The following AUTS2 variants were observed in gnomAD, a reference collection of about 807,000 sequenced individuals.
AUTS2 encodes the protein activator of transcription and developmental regulator AUTS2, also known as autism susceptibility gene 2 protein.
Under a neutral mutation model 112.4 loss-of-function variants are expected in AUTS2, and 17 were observed. The observed-to-expected ratio is 0.15, with a 90% CI of 0.10 to 0.23. AUTS2 has a LOEUF of 0.23. AUTS2 is among the 10% of genes least tolerant of loss of function. AUTS2 has a pLI of 1.00. For synonymous variants in AUTS2, 751 were observed against 702.7 expected (o/e 1.07, Z -1.09); for missense variants, 1,510 against 1,701.6 (o/e 0.89, Z 1.98).
At chr7:69,662,285 A>C (rs1795839781) in intron 1 of AUTS2, among the ~76,000 whole-genome samples, 1 of 151,940 alleles carries the variant, frequency 6.6e-6, no homozygotes, top group South Asian at 2.1e-4. Flanking sequence ...GAGCCGACCA[A>C]CTTATTATAA....
chr7:69,954,562 G>C (rs1433074986), intron 2 of AUTS2, among the ~76,000 whole-genome samples: 1 of 152,164 alleles, frequency 6.6e-6, no homozygotes, highest in Non-Finnish European at 1.5e-5. Flanking sequence ...TCCTGCCTTG[G>C]CCCCCCAGTT....
chr7:69,863,380 A>T (rs1168603548), intron 1 of AUTS2, among the ~76,000 whole-genome samples: 1 of 152,208 alleles, frequency 6.6e-6, no homozygotes, highest in South Asian at 2.1e-4. Flanking sequence ...CAAATTTTAC[A>T]AAGGGACTTG....
intron 1 of AUTS2, among the ~76,000 whole-genome samples, chr7:69,721,786 T>A (rs1314386775): frequency 6.6e-6 from 1 of 152,166 alleles, no homozygotes; most frequent in Non-Finnish European, 1.5e-5. Flanking sequence ...GGAATGATCT[T>A]CTAGGCTATC....
intron 5 of AUTS2, among the ~76,000 whole-genome samples, chr7:70,498,697 TTCTC>T (rs1798657249): frequency 6.6e-6 from 1 of 152,196 alleles, no homozygotes; most frequent in Admixed American, 6.5e-5. Context: ...TGCCTTTTGA[TTCTC>T]TCTTTCATTT....
At chr7:70,439,389 A>T (rs1796028758) in intron 5 of AUTS2, among the ~76,000 whole-genome samples, 1 of 152,056 alleles carries the variant, frequency 6.6e-6, no homozygotes, top group African/African-American at 2.4e-5. Flanking sequence ...AATACAAAAA[A>T]TTAGCCGGGC....
rs183599032 is a variant in AUTS2, at chr7:69,780,433, C to T, written c.310-118853C>T. Among the ~76,000 whole-genome samples the T allele has an allele frequency of 3.3e-5, 5 of 152,236 alleles. No homozygotes were observed. The East Asian group carries it at 5.8e-4, about 18-fold the overall frequency. On this transcript the variant is annotated intron_variant, in intron 1 of 18. Coordinates refer to ENST00000342771, the MANE Select transcript of AUTS2 (RefSeq NM_015570.4). ...ATTGGAGTGATGTACAGAGAAAAGGCTGTCTTGTGTTGTGATAGGGCCATG... is the reference window on the plus strand; with the variant it reads ...ATTGGAGTGATGTACAGAGAAAAGGTTGTCTTGTGTTGTGATAGGGCCATG...
At chr7:70,017,921 C>T (rs1306086099) in intron 2 of AUTS2, among the ~76,000 whole-genome samples, 1 of 150,756 alleles carries the variant, frequency 6.6e-6, no homozygotes, top group Non-Finnish European at 1.5e-5. Context: ...GTGATGTTGA[C>T]AATTTTGAAA....
intron 5 of AUTS2, among the ~76,000 whole-genome samples, chr7:70,450,602 T>C (rs1796491208): frequency 6.6e-6 from 1 of 152,150 alleles, no homozygotes. Context: ...AAAACAGGCC[T>C]TGCACGGCAA....
At chr7:70,117,359 A>T (rs1315314599) in intron 2 of AUTS2, among the ~76,000 whole-genome samples, 1 of 151,918 alleles carries the variant, frequency 6.6e-6, no homozygotes, top group Non-Finnish European at 1.5e-5. Flanking sequence ...ACAGCATCTC[A>T]TCATTTTTTC....
intron 3 of AUTS2, among the ~76,000 whole-genome samples, chr7:70,124,687 C>T (rs544035986): frequency 6.6e-5 from 10 of 152,182 alleles, no homozygotes; most frequent in Admixed American, 3.3e-4. Flanking sequence ...CTCAGTCCCC[C>T]GAGTAGCTGG....
chr7:70,581,351 A>G (rs1356128253), intron 5 of AUTS2, among the ~76,000 whole-genome samples: 1 of 152,188 alleles, frequency 6.6e-6, no homozygotes, highest in East Asian at 1.9e-4. Flanking sequence ...GCGCCATTGC[A>G]TTCCAGCCTG....
intron 3 of AUTS2, among the ~76,000 whole-genome samples, chr7:70,130,710 A>G (rs1806227267): frequency 6.6e-6 from 1 of 152,152 alleles, no homozygotes; most frequent in Non-Finnish European, 1.5e-5. Context: ...AGCAGAATGA[A>G]AAGACCATGT....
chr7:70,657,049 A>G (rs542158959), intron 5 of AUTS2, among the ~76,000 whole-genome samples: 40 of 152,292 alleles, frequency 2.6e-4, no homozygotes, highest in Non-Finnish European at 4.4e-4. Flanking sequence ...GTGCTTCATT[A>G]ATATCATCTC....
intron 4 of AUTS2, among the ~76,000 whole-genome samples, chr7:70,406,113 A>G (rs1216507047): frequency 6.6e-6 from 1 of 152,152 alleles, no homozygotes; most frequent in Non-Finnish European, 1.5e-5. Context: ...GAAGCATAAA[A>G]TAGCAAATCT....
intron 2 of AUTS2, among the ~76,000 whole-genome samples, chr7:70,024,677 G>A (rs527425651): frequency 2.6e-5 from 4 of 152,148 alleles, no homozygotes; most frequent in Middle Eastern, 3.4e-3. Flanking sequence ...TTTATTTTAA[G>A]GAATTGGCTT....
intron 4 of AUTS2, among the ~76,000 whole-genome samples, chr7:70,257,359 C>A (rs1786931167): frequency 6.6e-6 from 1 of 152,126 alleles, no homozygotes; most frequent in Non-Finnish European, 1.5e-5. Flanking sequence ...GCTCTGTCCC[C>A]CTGGCTGGAG....
intron 5 of AUTS2, among the ~76,000 whole-genome samples, chr7:70,640,724 A>G (rs1205802806): frequency 1.3e-5 from 2 of 152,112 alleles, no homozygotes; most frequent in African/African-American, 4.8e-5. Context: ...ACACTTTTCC[A>G]CTGGTCACAA....
intron 2 of AUTS2, among the ~76,000 whole-genome samples, chr7:69,993,556 G>A (rs916248786): frequency 2.0e-5 from 3 of 152,190 alleles, no homozygotes; most frequent in African/African-American, 4.8e-5. Context: ...GCCAGCCTGG[G>A]CAACACAGTA....
chr7:69,903,500 A>T (rs774815490), intron 2 of AUTS2, among the ~76,000 whole-genome samples: 5 of 152,200 alleles, frequency 3.3e-5, no homozygotes, highest in Admixed American at 2.6e-4. Flanking sequence ...TGGATTTCTA[A>T]ATCTCCATTT....
Sources: gnomAD v4.1 joint callset for allele counts (sites outside exome capture counted in the v4.1 genomes callset) on GRCh38, gnomAD v4.1.1 for gene constraint, MANE v1.5 for transcripts, NCBI Gene and HGNC (gene_info 2026-07-23, HGNC 2026-07-21) for gene names.